Variants in ELF5 observed in about 807,000 individuals in gnomAD.
The protein encoded by ELF5 is E74 like ETS transcription factor 5.
In ELF5, 31 loss-of-function variants were observed where a neutral mutation model predicts 38.2. The ratio of observed to expected loss-of-function variants is 0.81; its 90% confidence interval spans 0.61 to 1.10. The LOEUF is 1.10. Among genes scored for constraint, ELF5 ranks in the 50% least tolerant of loss-of-function variants. The pLI is 0.00. For synonymous variants in ELF5, 121 were observed against 112.5 expected (o/e 1.08, Z -0.48); for missense variants, 300 against 306.6 (o/e 0.98, Z 0.16).
intron 3 of ELF5, 74 bp from the exon 4 acceptor site, chr11:34,490,133 T>A: frequency 6.5e-7 from 1 of 1,526,952 alleles, no homozygotes. Context: ...GGAGAGGGGG[T>A]GTTGGAGGGA....
In ELF5 at chr11:34,505,736, A is replaced by C. The variant is rs748736492; in HGVS notation, c.14T>G (p.Val5Gly). Reference sequence around the variant, plus strand: ...ATTAGGCAGGAAGGTGCTGTGTGTCACCGAGTCCAACATTACCCTGCAACA... The same window carrying C: ...ATTAGGCAGGAAGGTGCTGTGTGTCCCCGAGTCCAACATTACCCTGCAACA... MLDS[V>G]THSTFLPNAS... Residue 5 changes from valine (V) to glycine (G), a missense_variant, in exon 2 of 7, where the codon GTG becomes GGG. By Grantham distance (109) the Val-to-Gly change is moderately radical. Transcript: ENST00000257832. 2 of 1,613,758 alleles carry C rather than the reference A, an allele frequency of 1.2e-6. No individual in the cohort carries two copies. The highest frequency in any genetic ancestry group is 2.2e-5 in the South Asian group (2 of 90,992).
chr11:34,487,619 A>C (rs974330778), intron 4 of ELF5, among the ~76,000 whole-genome samples: 1 of 152,100 alleles, frequency 6.6e-6, no homozygotes, highest in Non-Finnish European at 1.5e-5. Context: ...TGCTGCCCAC[A>C]AAGTGGTGAG....
chr11:34,493,746 G>A (rs373505462), intron 2 of ELF5, 34 bp from the exon 3 acceptor site: 1 of 1,594,314 alleles, frequency 6.3e-7, no homozygotes, highest in Non-Finnish European at 8.6e-7. Context: ...AGGGACAACA[G>A]TCCCAAGACA....
intron 1 of ELF5, chr11:34,511,767 C>G: frequency 1.6e-6 from 1 of 609,942 alleles, no homozygotes; most frequent in Non-Finnish European, 2.8e-6. Flanking sequence ...GCTCAGCCTC[C>G]CAGAGAGAGG....
chr11:34,506,590 TGCAAC>T (rs1341950655), intron 1 of ELF5, among the ~76,000 whole-genome samples: 1 of 152,204 alleles, frequency 6.6e-6, no homozygotes, highest in African/African-American at 2.4e-5. Flanking sequence ...CTAGGCTCAC[TGCAAC>T]CTCTGCCTCC....
chr11:34,498,095 A>C (rs1237178031), intron 2 of ELF5, among the ~76,000 whole-genome samples: 1 of 152,164 alleles, frequency 6.6e-6, no homozygotes, highest in Non-Finnish European at 1.5e-5. Context: ...ATTCCCCTTC[A>C]AAGTTGAAAG....
Position 34,495,950 on chromosome 11 carries a change from A to G in ELF5, c.122-2238T>C, listed in dbSNP as rs922284481. On this transcript the variant is annotated intron_variant, in intron 2 of 6. Transcript: ENST00000257832. ...CTGTGAGAGATGTTTATGAGCCTTG[A>G]CATTTTTCAGCTGCGGGCCCTGCCC... Among the ~76,000 whole-genome samples, 6 of 152,196 alleles carry G rather than the reference A, an allele frequency of 3.9e-5. No homozygotes were observed. The East Asian group carries it at 1.2e-3, about 29-fold the overall frequency.
chr11:34,481,669 C>A (rs1856946304), intron 5 of ELF5, among the ~76,000 whole-genome samples: 1 of 152,146 alleles, frequency 6.6e-6, no homozygotes, highest in Non-Finnish European at 1.5e-5. Context: ...ACTGATCCTG[C>A]AAATTCGTTT....
At position 34,480,139 on chromosome 11, in the gene ELF5, A is replaced by C. The variant is rs1263053468; in HGVS notation, c.*79T>G. The C allele has an allele frequency of 4.0e-5, 46 of 1,152,500 alleles. No homozygotes were observed. The East Asian group carries it at 1.0e-3, about 26-fold the overall frequency. 71.4% of individuals were successfully genotyped at this position (1,152,500 alleles called of 1,614,324 possible). ...GGTTAAAAAAAAAGAGAAGAAAATGAAGCCTTTCGAATGTCTATTGCAATC... is the reference window on the plus strand; with the variant it reads ...GGTTAAAAAAAAAGAGAAGAAAATGCAGCCTTTCGAATGTCTATTGCAATC... On this transcript the variant is annotated 3_prime_UTR_variant, in exon 7 of 7. Transcript: ENST00000257832.
intron 1 of ELF5, chr11:34,511,812 C>A: frequency 1.9e-6 from 1 of 536,342 alleles, no homozygotes; most frequent in South Asian, 2.4e-5. Context: ...GGCCAGTTTG[C>A]CAGAGGAGGA....
chr11:34,483,928 G>A (rs1857000262), intron 4 of ELF5, among the ~76,000 whole-genome samples: 1 of 151,680 alleles, frequency 6.6e-6, no homozygotes, highest in Non-Finnish European at 1.5e-5. Context: ...GTACTGTACT[G>A]TACCAACTAT....
intron 3 of ELF5, chr11:34,492,082 G>T (rs533353188): frequency 2.6e-5 from 4 of 152,304 alleles, no homozygotes; most frequent in African/African-American, 9.6e-5. Flanking sequence ...ATTTTTGTGC[G>T]AGCCTGTTCC....
intron 2 of ELF5, among the ~76,000 whole-genome samples, chr11:34,499,027 G>C (rs1039235233): frequency 1.3e-5 from 2 of 151,828 alleles, no homozygotes; most frequent in Admixed American, 1.3e-4. Context: ...GGAGGTGGAG[G>C]TTGCAGTGAG....
intron 2 of ELF5, among the ~76,000 whole-genome samples, chr11:34,495,137 A>C (rs1442115051): frequency 6.6e-6 from 1 of 152,168 alleles, no homozygotes; most frequent in Non-Finnish European, 1.5e-5. Context: ...CTCTCCCCAC[A>C]CCACCATACC....
Position 34,513,690 on chromosome 11 carries a change from T to C in ELF5, c.-18A>G, listed in dbSNP as rs1850822225. The C allele has an allele frequency of 6.6e-6, 1 of 152,336 alleles. No individual in the cohort carries two copies. The highest frequency in any genetic ancestry group is 1.5e-5 in the Non-Finnish European group (1 of 68,174). 9.4% of individuals were successfully genotyped at this position (152,336 alleles called of 1,614,324 possible). A position where few individuals can be genotyped will look rare whatever the true frequency, so the allele number is the denominator to read the frequency against. ...AAAGGCGCTTACGTGAGGGCAGCGG[T>C]GGCTAGGTCCAAAGAGGAGGCTTTC... On this transcript the variant is annotated 5_prime_UTR_variant, in exon 1 of 7. Coordinates refer to ENST00000257832, the MANE Select transcript of ELF5 (RefSeq NM_001422.4).
chr11:34,481,425 C>T (rs908736324), intron 5 of ELF5, among the ~76,000 whole-genome samples: 1 of 152,120 alleles, frequency 6.6e-6, no homozygotes, highest in Non-Finnish European at 1.5e-5. Flanking sequence ...ATTGCTCTAC[C>T]TGGAAACTTA....
At chr11:34,494,073 G>A (rs777288915) in intron 2 of ELF5, among the ~76,000 whole-genome samples, 9 of 152,220 alleles carry the variant, frequency 5.9e-5, no homozygotes, top group Non-Finnish European at 1.3e-4. Context: ...TGTTTGACAA[G>A]CTGGGTTGAA....
At chr11:34,482,288 G>T in intron 5 of ELF5, 143 bp downstream of exon 5, 1 of 742,710 alleles carries the variant, frequency 1.3e-6, no homozygotes. Flanking sequence ...ACGTATAAAA[G>T]CAATCACTGA....
chr11:34,482,714 G>C (rs1344461356), intron 4 of ELF5, among the ~76,000 whole-genome samples: 2 of 152,148 alleles, frequency 1.3e-5, no homozygotes, highest in African/African-American at 4.8e-5. Context: ...ACCCTGATGA[G>C]AATAAATAAA....
Sources: allele counts gnomAD v4.1 joint callset (sites outside exome capture counted in the v4.1 genomes callset), GRCh38; gene constraint gnomAD v4.1.1; transcripts MANE v1.5; gene names NCBI Gene and HGNC (gene_info 2026-07-23, HGNC 2026-07-21).